TNFSF8: variants seen among roughly 807,000 people sequenced by gnomAD.
TNFSF8 encodes tumor necrosis factor ligand superfamily member 8.
TNFSF8 carries 4 observed loss-of-function variants against 22.0 expected under a neutral mutation model. That is an observed-to-expected ratio of 0.18 (90% CI 0.09 to 0.42). TNFSF8 has a LOEUF of 0.42. Among genes scored for constraint, TNFSF8 ranks in the 10% least tolerant of loss-of-function variants. The pLI, the probability that TNFSF8 is intolerant of heterozygous loss-of-function variation, is 1.00. For synonymous variants in TNFSF8, 106 were observed against 112.5 expected (o/e 0.94, Z 0.37); for missense variants, 233 against 281.8 (o/e 0.83, Z 1.24).
intron 1 of TNFSF8, among the ~76,000 whole-genome samples, chr9:114,927,470 A>C (rs1204087353): frequency 6.6e-6 from 1 of 152,132 alleles, no homozygotes; most frequent in Admixed American, 6.5e-5. Context: ...ATGCTGTTCC[A>C]TTGGCTAGGA....
In TNFSF8 at chr9:114,901,700, T is replaced by C. The variant is rs2131339759; in HGVS notation, c.*2231A>G. 1.0e-6 allele frequency: 1 copy of C among 985,420 alleles called. No homozygotes were observed. Among genetic ancestry groups the C allele is most frequent in the African/African-American group, 1.7e-5 (1 of 57,348 alleles). The allele number at this position is 985,420 out of a possible 1,614,324, so 61.0% of individuals were successfully genotyped here. On this transcript the variant is annotated 3_prime_UTR_variant, in exon 4 of 4. Transcript: ENST00000223795. ...TGTTTTGTTTTTTACCACAGACCAT[T>C]TGGCTTGCTGAATTCAACACCTCTT...
chr9:114,910,672 A>G (rs1001747269), intron 2 of TNFSF8, among the ~76,000 whole-genome samples: 2 of 152,206 alleles, frequency 1.3e-5, no homozygotes, highest in Admixed American at 6.5e-5. Context: ...AGATGACTTC[A>G]GGCCCATGTG....
intron 4 of TNFSF8, among the ~76,000 whole-genome samples, chr9:114,894,395 G>A (rs1024178261): frequency 4.6e-5 from 7 of 152,284 alleles, no homozygotes; most frequent in African/African-American, 1.4e-4. Context: ...GAAATTTTAT[G>A]AATGAGGTCA....
At chr9:114,893,481 G>T (rs1827625652) in exon 5 of TNFSF8, 2 of 152,642 alleles carry the variant, frequency 1.3e-5, no homozygotes, top group Admixed American at 6.5e-5. Flanking sequence ...CTTCTTCCCA[G>T]TTGAGTACAC....
chr9:114,928,502 A>G (rs567307699), intron 1 of TNFSF8, among the ~76,000 whole-genome samples: 1 of 152,276 alleles, frequency 6.6e-6, no homozygotes, highest in African/African-American at 2.4e-5. Context: ...ATATATCACC[A>G]TCGCCACCCA....
At chr9:114,927,953 A>C (rs1186963104) in intron 1 of TNFSF8, among the ~76,000 whole-genome samples, 1 of 152,188 alleles carries the variant, frequency 6.6e-6, no homozygotes, top group Non-Finnish European at 1.5e-5. Flanking sequence ...AACTCAAGTT[A>C]ATGGGAAAAT....
At chr9:114,916,345 A>G (rs1827918663) in intron 2 of TNFSF8, among the ~76,000 whole-genome samples, 1 of 152,198 alleles carries the variant, frequency 6.6e-6, no homozygotes, top group African/African-American at 2.4e-5. Flanking sequence ...CCAGAATACT[A>G]GTTAGAGCCC....
intron 2 of TNFSF8, among the ~76,000 whole-genome samples, chr9:114,913,821 G>C (rs1223718252): frequency 6.6e-6 from 1 of 152,160 alleles, no homozygotes; most frequent in East Asian, 1.9e-4. Flanking sequence ...CTGCATGAGT[G>C]AATTACTAAG....
rs1200065434 is a variant in TNFSF8, at chr9:114,917,959, GC to G, written c.238+136del. 6 of 749,798 alleles carry G rather than the reference GC, an allele frequency of 8.0e-6. No homozygotes were observed. In the African/African-American group the frequency reaches 9.1e-5, roughly 11 times the overall value. 46.4% of individuals were successfully genotyped at this position (749,798 alleles called of 1,614,324 possible). A position where few individuals can be genotyped will look rare whatever the true frequency, so the allele number is the denominator to read the frequency against. On this transcript the variant is annotated intron_variant, in intron 2 of 3. Coordinates refer to ENST00000223795, the MANE Select transcript of TNFSF8 (RefSeq NM_001244.4). ...AGGTGCATCAGCTCAGTCCTGAACA[GC>G]CCTTGCCTCCACCCCTACCCACTTT...
intron 2 of TNFSF8, among the ~76,000 whole-genome samples, chr9:114,909,205 T>G (rs753920101): frequency 1.1e-4 from 16 of 152,242 alleles, no homozygotes; most frequent in African/African-American, 2.9e-4. Context: ...AGTCTTCTCA[T>G]CACCCTGTGA....
At chr9:114,908,573 A>G (rs1040137001) in intron 2 of TNFSF8, among the ~76,000 whole-genome samples, 35 of 152,170 alleles carry the variant, frequency 2.3e-4, no homozygotes, top group African/African-American at 8.0e-4. Context: ...TGCCTCTCAC[A>G]CGTTCTGGTT....
chr9:114,902,458 T>G lies in TNFSF8; in HGVS notation c.*1473A>C. On this transcript the variant is annotated 3_prime_UTR_variant, in exon 4 of 4. Transcript: ENST00000223795. ...AAAAATGCCTGCTGCTCAATTATTG[T>G]CAATCTAACTGGAATAGAGTCAGGC... 8 of 985,444 alleles carry G rather than the reference T, an allele frequency of 8.1e-6. No homozygotes were observed. The highest frequency in any genetic ancestry group is 9.6e-6 in the Non-Finnish European group (8 of 829,934). The allele number at this position is 985,444 out of a possible 1,614,324, so 61.0% of individuals were successfully genotyped here. A position where few individuals can be genotyped will look rare whatever the true frequency, so the allele number is the denominator to read the frequency against.
rs1353237802 is a variant in TNFSF8 at position 114,902,616 on chromosome 9, A to G, written c.*1315T>C. ...GCAGGGCACCCTGAACCTTGTCCCCATATTCTGGCTCTGCTGAGATGAGAT... is the reference window on the plus strand; with the variant it reads ...GCAGGGCACCCTGAACCTTGTCCCCGTATTCTGGCTCTGCTGAGATGAGAT... On this transcript the variant is annotated 3_prime_UTR_variant, in exon 4 of 4. Transcript: ENST00000223795. 5 of 985,220 alleles carry G rather than the reference A, an allele frequency of 5.1e-6. No individual in the cohort carries two copies. In the African/African-American group the frequency reaches 8.7e-5, roughly 17 times the overall value. The allele number at this position is 985,220 out of a possible 1,614,324, so 61.0% of individuals were successfully genotyped here.
At chr9:114,926,591 G>A (rs1828063103) in intron 1 of TNFSF8, among the ~76,000 whole-genome samples, 1 of 152,086 alleles carries the variant, frequency 6.6e-6, no homozygotes, top group Non-Finnish European at 1.5e-5. Context: ...CGTACTATGC[G>A]ACTCTTCAAA....
intron 1 of TNFSF8, among the ~76,000 whole-genome samples, chr9:114,925,728 T>C (rs1828049258): frequency 6.6e-6 from 1 of 152,106 alleles, no homozygotes; most frequent in Admixed American, 6.5e-5. Flanking sequence ...TTTTTGCTTA[T>C]AAAGGGAAAA....
At chr9:114,923,522 C>CTTTCTTTCTTTT (rs758823996) in intron 1 of TNFSF8, among the ~76,000 whole-genome samples, 8 of 89,764 alleles carry the variant, frequency 8.9e-5, no homozygotes, top group African/African-American at 3.3e-4. Context: ...TTCTTTCTTT[C>CTTTCTTTCTTTT]TTTTTTTTTT....
chr9:114,905,150 C>T (rs1827768995), intron 3 of TNFSF8, among the ~76,000 whole-genome samples: 1 of 152,200 alleles, frequency 6.6e-6, no homozygotes, highest in East Asian at 1.9e-4. Flanking sequence ...TTAATTGCTT[C>T]CATGCTTTCC....
chr9:114,904,937 G>C (rs746312639), intron 3 of TNFSF8, among the ~76,000 whole-genome samples: 1 of 152,052 alleles, frequency 6.6e-6, no homozygotes, highest in Non-Finnish European at 1.5e-5. Flanking sequence ...CCCTTCAAAG[G>C]GCAGCCAAAA....
At chr9:114,907,846 A>G (rs1827803600) in intron 2 of TNFSF8, among the ~76,000 whole-genome samples, 3 of 152,166 alleles carry the variant, frequency 2.0e-5, no homozygotes, top group African/African-American at 7.2e-5. Flanking sequence ...TCTTGTACAT[A>G]AGGAAATGGA....
Sources: gnomAD v4.1 joint callset for allele counts (sites outside exome capture counted in the v4.1 genomes callset) on GRCh38, gnomAD v4.1.1 for gene constraint, MANE v1.5 for transcripts, NCBI Gene and HGNC (gene_info 2026-07-23, HGNC 2026-07-21) for gene names.